The following PRKN variants were observed in gnomAD, a reference collection of about 807,000 sequenced individuals.
PRKN encodes parkin RBR E3 ubiquitin protein ligase.
In PRKN, 56 loss-of-function variants were observed where a neutral mutation model predicts 59.5. The observed-to-expected ratio is 0.94, with a 90% confidence interval of 0.76 to 1.18. The LOEUF (loss-of-function observed/expected upper bound fraction) is 1.18, where lower values mean the gene tolerates loss of function less well. Ranked by LOEUF, PRKN falls within the 50% of genes most tolerant of loss-of-function variation. The pLI, the probability that PRKN is intolerant of heterozygous loss-of-function variation, is 0.00. For missense variants in PRKN, 657 were observed against 596.4 expected (o/e 1.10, Z -1.06); for synonymous variants, 250 against 222.1 (o/e 1.13, Z -1.12).
chr6:161,543,937 A>G (rs1779706799), intron 9 of PRKN, among the ~76,000 whole-genome samples: 2 of 152,196 alleles, frequency 1.3e-5, no homozygotes, highest in Admixed American at 6.5e-5. Flanking sequence ...GATAGTTCTG[A>G]TGAATAGCAA....
intron 4 of PRKN, among the ~76,000 whole-genome samples, chr6:162,070,643 AG>A (rs1778536418): frequency 6.6e-6 from 1 of 152,134 alleles, no homozygotes; most frequent in Admixed American, 6.6e-5. Flanking sequence ...CAGTTTTTCC[AG>A]GGACCCAGTG....
chr6:161,531,292 A>T (rs1779200668), intron 9 of PRKN, among the ~76,000 whole-genome samples: 1 of 151,800 alleles, frequency 6.6e-6, no homozygotes, highest in Admixed American at 6.6e-5. Flanking sequence ...GAGGGAGGAG[A>T]ATGGCGTGAA....
intron 5 of PRKN, among the ~76,000 whole-genome samples, chr6:162,016,054 T>C (rs1397334741): frequency 2.0e-5 from 3 of 152,128 alleles, no homozygotes; most frequent in Non-Finnish European, 2.9e-5. Context: ...ATCTGGCATT[T>C]CAAATTTGCT....
At chr6:161,728,089 G>C (rs1363504899) in intron 7 of PRKN, among the ~76,000 whole-genome samples, 1 of 152,142 alleles carries the variant, frequency 6.6e-6, no homozygotes, top group Non-Finnish European at 1.5e-5. Flanking sequence ...CATCATTTCA[G>C]TGTAAAAATT....
chr6:162,314,891 C>A (rs992805371), intron 2 of PRKN, among the ~76,000 whole-genome samples: 1 of 152,088 alleles, frequency 6.6e-6, no homozygotes, highest in African/African-American at 2.4e-5. Flanking sequence ...ATGCGTTTCA[C>A]AGGAACTACT....
chr6:162,288,430 A>G (rs898701981), intron 2 of PRKN, among the ~76,000 whole-genome samples: 1 of 152,088 alleles, frequency 6.6e-6, no homozygotes, highest in Non-Finnish European at 1.5e-5. Flanking sequence ...TCAAGTCTGT[A>G]ATCGGCTGGC....
rs144614285 is a variant in PRKN at position 162,102,767 on chromosome 6, G to A, written c.535-48593C>T. ...AGGGCAGAAATACATAACTTGCCCG[G>A]GCGCGGTGGCTCACGCCTGTAATCC... On this transcript the variant is annotated intron_variant, in intron 4 of 11. Transcript: ENST00000366898. 7.6e-3 allele frequency among the ~76,000 whole-genome samples: 1,102 copies of A among 144,126 alleles called. 12 individuals are homozygous for A. The highest frequency in any genetic ancestry group is 0.024 in the Middle Eastern group (7 of 290). 94.6% of individuals were successfully genotyped at this position (144,126 alleles called of 152,430 possible). A position where few individuals can be genotyped will look rare whatever the true frequency, so the allele number is the denominator to read the frequency against.
intron 2 of PRKN, among the ~76,000 whole-genome samples, chr6:162,310,098 T>C (rs1367062396): frequency 6.6e-6 from 1 of 152,172 alleles, no homozygotes; most frequent in African/African-American, 2.4e-5. Context: ...ACATTTTCTT[T>C]ATCTAGTCTG....
intron 1 of PRKN, among the ~76,000 whole-genome samples, chr6:162,491,554 G>A (rs1304220195): frequency 2.0e-5 from 3 of 152,126 alleles, no homozygotes; most frequent in Non-Finnish European, 4.4e-5. Flanking sequence ...CTCACTTTCC[G>A]CCTTCATATG....
chr6:162,106,755 A>C (rs989106541), intron 4 of PRKN, among the ~76,000 whole-genome samples: 14 of 152,168 alleles, frequency 9.2e-5, no homozygotes, highest in Non-Finnish European at 1.6e-4. Context: ...TTCCCCTGGC[A>C]TATGTCTGAC....
chr6:161,844,475 T>G (rs116322008), intron 6 of PRKN, among the ~76,000 whole-genome samples: 1 of 152,202 alleles, frequency 6.6e-6, no homozygotes, highest in Admixed American at 6.5e-5. Flanking sequence ...AGCTGGACGG[T>G]TGGACTTTCT....
Position 162,368,046 on chromosome 6 carries a change from G to C in PRKN, c.171+75264C>G, listed in dbSNP as rs186900781. ...AGGGTAGAAAAGAGAAAATGACAGC[G>C]CCTTTCCCCTGACCTGCCTTTGGAT... On this transcript the variant is annotated intron_variant, in intron 2 of 11. Coordinates refer to ENST00000366898, the MANE Select transcript of PRKN (RefSeq NM_004562.3). Among the ~76,000 whole-genome samples the C allele has an allele frequency of 3.3e-5, 5 of 152,200 alleles. No homozygotes were observed. The East Asian group carries it at 9.7e-4, about 29-fold the overall frequency.
intron 7 of PRKN, among the ~76,000 whole-genome samples, chr6:161,775,563 T>C (rs1041433760): frequency 6.6e-6 from 1 of 152,226 alleles, no homozygotes; most frequent in Non-Finnish European, 1.5e-5. Flanking sequence ...CCGTAGCAAC[T>C]AATTATGTTG....
chr6:162,572,654 C>A (rs538289471), intron 1 of PRKN, among the ~76,000 whole-genome samples: 1 of 152,216 alleles, frequency 6.6e-6, no homozygotes, highest in East Asian at 1.9e-4. Context: ...AATGTCCTAC[C>A]AGGGAAAGAA....
At chr6:161,617,666 T>C (rs1158219788) in intron 7 of PRKN, among the ~76,000 whole-genome samples, 1 of 152,236 alleles carries the variant, frequency 6.6e-6, no homozygotes, top group East Asian at 1.9e-4. Context: ...TTTATATTTT[T>C]TCTTATTTCT....
chr6:162,103,180 A>G (rs1242391604), intron 4 of PRKN, among the ~76,000 whole-genome samples: 2 of 152,096 alleles, frequency 1.3e-5, no homozygotes, highest in African/African-American at 4.8e-5. Flanking sequence ...GTAACATTCC[A>G]ATTCCTTCAT....
chr6:161,760,028 A>T (rs1313494167), intron 7 of PRKN, among the ~76,000 whole-genome samples: 1 of 150,492 alleles, frequency 6.6e-6, no homozygotes, highest in Non-Finnish European at 1.5e-5. Flanking sequence ...ATGGCCTTTT[A>T]TCTTTCTTGT....
At chr6:162,201,306 C>T in intron 3 of PRKN, 54 bp from the exon 4 acceptor site, 2 of 1,591,158 alleles carry the variant, frequency 1.3e-6, no homozygotes, top group Admixed American at 1.7e-5. Flanking sequence ...TAAATTGAGA[C>T]AAGAAACTCT....
chr6:162,183,334 C>T (rs1014528537), intron 4 of PRKN, among the ~76,000 whole-genome samples: 1 of 152,206 alleles, frequency 6.6e-6, no homozygotes, highest in South Asian at 2.1e-4. Context: ...ATCTGAGAGA[C>T]AGCTGCTACT....
Sources: gnomAD v4.1 joint callset for allele counts (sites outside exome capture counted in the v4.1 genomes callset) on GRCh38, gnomAD v4.1.1 for gene constraint, MANE v1.5 for transcripts, NCBI Gene and HGNC (gene_info 2026-07-23, HGNC 2026-07-21) for gene names.